The following CCDC7 variants were observed in gnomAD, a reference collection of about 807,000 sequenced individuals.
CCDC7 encodes coiled-coil domain-containing protein 7.
CCDC7 carries 183 observed loss-of-function variants against 196.9 expected under a neutral mutation model. That is an observed-to-expected ratio of 0.93 (90% CI 0.82 to 1.05). The LOEUF (loss-of-function observed/expected upper bound fraction) is 1.05. Ranked by LOEUF, CCDC7 falls within the 50% of genes least tolerant of loss-of-function variation. CCDC7 has a pLI of 0.00. For missense variants in CCDC7, 1,540 were observed against 1,482.2 expected, an observed-to-expected ratio of 1.04 and a Z score of -0.64; for synonymous variants, 525 against 484.6, an observed-to-expected ratio of 1.08 and a Z score of -1.10.
At chr10:32,529,896 G>T (rs2049350233) in intron 11 of CCDC7, among the ~76,000 whole-genome samples, 1 of 152,120 alleles carries the variant, frequency 6.6e-6, no homozygotes, top group African/African-American at 2.4e-5. Flanking sequence ...GAATCTTTAC[G>T]GTTTCAGGCC....
intron 18 of CCDC7, among the ~76,000 whole-genome samples, chr10:32,595,291 C>T (rs560720569): frequency 8.1e-4 from 124 of 152,180 alleles, no homozygotes; most frequent in African/African-American, 2.6e-3. Flanking sequence ...GTATATGTGT[C>T]GGGGAATTTA....
intron 31 of CCDC7, among the ~76,000 whole-genome samples, chr10:32,815,353 AG>A (rs1391642064): frequency 9.2e-5 from 14 of 152,344 alleles, no homozygotes; most frequent in African/African-American, 3.4e-4. Context: ...AAGAAGAAAA[AG>A]AAGGTACAAT....
chr10:32,606,191 G>T (rs1196115061), intron 18 of CCDC7, among the ~76,000 whole-genome samples: 1 of 152,218 alleles, frequency 6.6e-6, no homozygotes, highest in Non-Finnish European at 1.5e-5. Flanking sequence ...TTTCTACATG[G>T]TGTTAAGCCT....
intron 28 of CCDC7, among the ~76,000 whole-genome samples, chr10:32,766,235 C>G (rs35940779): frequency 0.14 from 21,038 of 152,016 alleles, 1,762 homozygotes; most frequent in East Asian, 0.25. Context: ...ATTGTTGCAT[C>G]TGGCCTCTCC....
intron 21 of CCDC7, among the ~76,000 whole-genome samples, chr10:32,675,023 A>C (rs1200655893): frequency 3.3e-5 from 5 of 152,092 alleles, no homozygotes; most frequent in African/African-American, 2.4e-5. Context: ...AATAGCATAT[A>C]GTGGATCTTG....
At chr10:32,869,142 A>C (rs1362193005) in intron 41 of CCDC7, among the ~76,000 whole-genome samples, 1 of 152,194 alleles carries the variant, frequency 6.6e-6, no homozygotes, top group East Asian at 1.9e-4. Context: ...AGGAATTGCC[A>C]CACTGACTTC....
chr10:32,454,319 A>G (rs2033813585), intron 2 of CCDC7, among the ~76,000 whole-genome samples: 1 of 152,190 alleles, frequency 6.6e-6, no homozygotes, highest in Admixed American at 6.5e-5. Flanking sequence ...CTTATCCTGC[A>G]TGACCTTGTG....
intron 3 of CCDC7, among the ~76,000 whole-genome samples, chr10:32,458,922 T>A (rs2034981129): frequency 3.9e-5 from 6 of 152,112 alleles, no homozygotes; most frequent in Admixed American, 3.3e-4. Flanking sequence ...TCCACAAACA[T>A]AGGATGTCTT....
chr10:32,618,315 T>G (rs1282301925), intron 18 of CCDC7, among the ~76,000 whole-genome samples: 1 of 151,958 alleles, frequency 6.6e-6, no homozygotes, highest in East Asian at 1.9e-4. Context: ...TCTCTTTTTG[T>G]CTTTGTGGTT....
chr10:32,669,691 T>A (rs749305395), intron 21 of CCDC7, among the ~76,000 whole-genome samples: 33 of 152,288 alleles, frequency 2.2e-4, no homozygotes, highest in Middle Eastern at 3.4e-3. Context: ...TAGTCTCTCA[T>A]GATCTTTTGT....
intron 32 of CCDC7, 94 bp from the exon 34 acceptor site, chr10:32,834,721 C>A: frequency 1.9e-6 from 1 of 517,812 alleles, no homozygotes; most frequent in Non-Finnish European, 3.5e-6. Flanking sequence ...TATTACTATT[C>A]ATACATACAA....
intron 23 of CCDC7, among the ~76,000 whole-genome samples, chr10:32,689,532 CAA>C (rs2076835997): frequency 6.6e-6 from 1 of 152,086 alleles, no homozygotes; most frequent in Non-Finnish European, 1.5e-5. Flanking sequence ...ATCTGCAACT[CAA>C]AACAGCAAAT....
In CCDC7 at chr10:32,694,993, G is replaced by A. The variant is rs150473732; in HGVS notation, c.2458+1G>A. ...CTTCCTAGAGAGAAAAGACATAGTAGTAAGTATAATAATTATAGATAACTT... is the reference window on the plus strand; with the variant it reads ...CTTCCTAGAGAGAAAAGACATAGTAATAAGTATAATAATTATAGATAACTT... On this transcript the variant is annotated splice_donor_variant, in intron 24 of 41. Coordinates refer to ENST00000639629, the Ensembl canonical transcript of CCDC7. LOFTEE classifies it high-confidence loss of function. 187 of 1,513,364 alleles carry A rather than the reference G, an allele frequency of 1.2e-4. No homozygotes were observed. In the African/African-American group the frequency reaches 2.3e-3, roughly 18 times the overall value. The allele number at this position is 1,513,364 out of a possible 1,614,324, so 93.7% of individuals were successfully genotyped here. A position where few individuals can be genotyped will look rare whatever the true frequency, so the allele number is the denominator to read the frequency against.
intron 21 of CCDC7, among the ~76,000 whole-genome samples, chr10:32,674,349 G>C (rs1478390897): frequency 6.6e-6 from 1 of 151,612 alleles, no homozygotes; most frequent in African/African-American, 2.4e-5. Context: ...TGATCCAGTG[G>C]TTGTTCAAAA....
rs576362357 is a variant in CCDC7 at position 32,860,096 on chromosome 10, C to G, written c.4111+5607C>G. On this transcript the variant is annotated intron_variant, in intron 41 of 41. Coordinates refer to ENST00000639629, the Ensembl canonical transcript of CCDC7. ...GCATCATCCTGATACCAAAACCTGG[C>G]AGAGACAATAGAAAAAAAGAAAATT... Among the ~76,000 whole-genome samples, 8 of 152,094 alleles carry G rather than the reference C, an allele frequency of 5.3e-5. No individual in the cohort carries two copies. In the East Asian group the frequency reaches 1.5e-3, roughly 29 times the overall value.
intron 18 of CCDC7, among the ~76,000 whole-genome samples, chr10:32,593,704 C>T (rs1180063953): frequency 6.6e-6 from 1 of 152,128 alleles, no homozygotes; most frequent in Non-Finnish European, 1.5e-5. Flanking sequence ...AGTCTTTAAT[C>T]CATCTTGAAT....
At chr10:32,736,226 G>A (rs11818003) in intron 28 of CCDC7, among the ~76,000 whole-genome samples, 8,080 of 152,108 alleles carry the variant, frequency 0.053, 718 homozygotes, top group African/African-American at 0.18. Context: ...TTTTGATTGC[G>A]ATTGCATTGA....
At chr10:32,556,620 T>A (rs56994624) in intron 13 of CCDC7, among the ~76,000 whole-genome samples, 13,423 of 152,204 alleles carry the variant, frequency 0.088, 863 homozygotes, top group East Asian at 0.33. Flanking sequence ...GTATGTTTGT[T>A]CTGTGGTATG....
intron 24 of CCDC7, among the ~76,000 whole-genome samples, chr10:32,695,867 G>T (rs1210460287): frequency 3.3e-5 from 5 of 152,148 alleles, no homozygotes; most frequent in African/African-American, 1.2e-4. Context: ...CATAGTATCA[G>T]GTAACAGCAG....
Sources: allele counts gnomAD v4.1 joint callset (sites outside exome capture counted in the v4.1 genomes callset), GRCh38; gene constraint gnomAD v4.1.1; transcripts MANE v1.5; gene names NCBI Gene and HGNC (gene_info 2026-07-23, HGNC 2026-07-21).